Variants in ASL observed in about 807,000 individuals in gnomAD.
The protein encoded by ASL is argininosuccinate lyase.
In ASL, 51 loss-of-function variants were observed where a neutral mutation model predicts 69.1. The ratio of observed to expected loss-of-function variants is 0.74; its 90% CI spans 0.59 to 0.93. The LOEUF (loss-of-function observed/expected upper bound fraction) is 0.93. Among genes scored for constraint, ASL ranks in the 40% least tolerant of loss-of-function variants. The probability of loss-of-function intolerance (pLI) is 0.00; values close to 1 mark genes in which losing one functional copy is unlikely to be tolerated. For synonymous variants in ASL, 241 were observed against 247.6 expected, an observed-to-expected ratio of 0.97 and a Z score of 0.25; for missense variants, 540 against 623.9, an observed-to-expected ratio of 0.87 and a Z score of 1.43.
At chr7:66,076,422 C>T (rs1202070865) in intron 2 of ASL, among the ~76,000 whole-genome samples, 1 of 152,212 alleles carries the variant, frequency 6.6e-6, no homozygotes, top group Non-Finnish European at 1.5e-5. Context: ...TCCAACTCTT[C>T]CTTCCTTCTT....
chr7:66,077,286 C>T (rs902708850), intron 2 of ASL, among the ~76,000 whole-genome samples: 3 of 152,024 alleles, frequency 2.0e-5, no homozygotes, highest in African/African-American at 7.2e-5. Flanking sequence ...TGAAAATTAC[C>T]CAGGTGTGGT....
chr7:66,084,812 G>C (rs903102211), intron 6 of ASL, among the ~76,000 whole-genome samples: 1 of 152,104 alleles, frequency 6.6e-6, no homozygotes, highest in Non-Finnish European at 1.5e-5. Context: ...GTAGAGACGG[G>C]GTTTCACCAT....
In ASL at chr7:66,086,749, C is replaced by G. The variant is rs2115725413; in HGVS notation, c.530C>G (p.Ala177Gly). The G allele has an allele frequency of 1.2e-6, 2 of 1,606,092 alleles. No homozygotes were observed. Among genetic ancestry groups the G allele is most frequent in the Non-Finnish European group, 8.5e-7 (1 of 1,176,934 alleles). Residue 177 changes from alanine (A) to glycine (G), a missense_variant, in exon 8 of 17, where the codon GCC (alanine) becomes GGC (glycine). Transcript: ENST00000304874. ...CTGCCCCTGGCTTCCCACAGCCACG[C>G]CGTGGCACTGACCCGAGACTCTGAG... ...IRWSHWILSH[A>G]VALTRDSERL... is the part of the protein sequence containing the mutation.
rs1224014280 is a variant in ASL at position 66,083,181 on chromosome 7, C to A, written c.446+7C>A. On this transcript the variant is annotated splice_region_variant and intron_variant, in intron 6 of 16. Transcript: ENST00000304874. ...TGGTGGATCGGGCAGAGGCGTGAGT[C>A]CTACAGGGACACCCAGGGGGCAGAC... 8.7e-6 allele frequency: 14 copies of A among 1,611,458 alleles called. No homozygotes were observed. The highest frequency in any genetic ancestry group is 1.2e-5 in the Non-Finnish European group (14 of 1,179,574).
chr7:66,088,364 C>T (rs1039029995), intron 10 of ASL, among the ~76,000 whole-genome samples: 1 of 151,826 alleles, frequency 6.6e-6, no homozygotes, highest in African/African-American at 2.4e-5. Context: ...GCCTGTAATC[C>T]CAGCTACTCG....
intron 6 of ASL, 74 bp from the exon 7 acceptor site, chr7:66,086,511 C>T: frequency 6.6e-7 from 1 of 1,516,408 alleles, no homozygotes. Flanking sequence ...GTGACCCAGG[C>T]CTGCAGGGTT....
At chr7:66,091,754 C>T (rs992365398) in intron 14 of ASL, 22 of 528,640 alleles carry the variant, frequency 4.2e-5, no homozygotes, top group Non-Finnish European at 7.5e-5. Context: ...ACATCTGATG[C>T]ATGCTGAAGA....
Position 66,075,865 on chromosome 7 carries a change from G to A in ASL, c.-44+9G>A, listed in dbSNP as rs558890925. 334 of 574,598 alleles carry A rather than the reference G, an allele frequency of 5.8e-4. 2 individuals carry two copies. In the East Asian group the frequency reaches 7.9e-3, roughly 14 times the overall value. 35.6% of individuals were successfully genotyped at this position (574,598 alleles called of 1,614,324 possible). On this transcript the variant is annotated intron_variant, in intron 1 of 16. Coordinates refer to ENST00000304874, the MANE Select transcript of ASL (RefSeq NM_000048.4). The stretch of plus-strand genomic sequence containing the variant: ...CGTGCGGCCAGGCGGAGGTGAGTGC[G>A]CGGCGGCCGGATGGGCGGGACGGGC...
chr7:66,079,200 A>G (rs1377931893), intron 2 of ASL, among the ~76,000 whole-genome samples: 1 of 152,104 alleles, frequency 6.6e-6, no homozygotes, highest in African/African-American at 2.4e-5. Flanking sequence ...TATAGGTGTG[A>G]GCCACCACGC....
At chr7:66,087,653 G>C (rs1007094019) in intron 9 of ASL, 76 bp from the exon 10 acceptor site, 2 of 1,554,306 alleles carry the variant, frequency 1.3e-6, no homozygotes, top group African/African-American at 1.4e-5. Context: ...AGGGGAGGGG[G>C]CTGGGCAACC....
intron 10 of ASL, 121 bp from the exon 11 acceptor site, chr7:66,088,686 A>T: frequency 1.2e-6 from 1 of 824,262 alleles, no homozygotes; most frequent in Non-Finnish European, 2.0e-6. Context: ...GCACGACCCC[A>T]TCTTTGCGAA....
chr7:66,092,846 T>C lies in ASL; in HGVS notation c.1329T>C (p.Thr443=). The change falls in exon 17 of 17, where the codon ACT becomes ACC. Residue 443 remains threonine (T), a synonymous_variant. Coordinates refer to ENST00000304874, the MANE Select transcript of ASL (RefSeq NM_000048.4). ...SVEQYGALGG[T]ARSSVDWQIR... ...AGCAGTATGGTGCCCTGGGCGGCAC[T>C]GCGCGCTCCAGCGTCGACTGGCAGA... The C allele has an allele frequency of 6.2e-7, 1 of 1,613,376 alleles. No homozygotes were observed. The highest frequency in any genetic ancestry group is 8.5e-7 in the Non-Finnish European group (1 of 1,179,974).
intron 14 of ASL, 46 bp downstream of exon 14, chr7:66,089,741 T>C (rs766592690): frequency 3.9e-5 from 62 of 1,597,800 alleles, no homozygotes; most frequent in Non-Finnish European, 5.0e-5. Flanking sequence ...TCCCAGGCAC[T>C]GGGGTGGGCA....
chr7:66,086,888 A>G (rs1292959380), intron 8 of ASL, 67 bp downstream of exon 8: 1 of 1,511,736 alleles, frequency 6.6e-7, no homozygotes, highest in Non-Finnish European at 8.9e-7. Flanking sequence ...AGGGATTGAC[A>G]GAGCTGGGAA....
intron 10 of ASL, 65 bp from the exon 11 acceptor site, chr7:66,088,742 C>A (rs1314556718): frequency 2.1e-6 from 3 of 1,398,684 alleles, no homozygotes. Context: ...CCTCCTCCTG[C>A]CCCCTGTATG....
intron 5 of ASL, 39 bp from the exon 6 acceptor site, chr7:66,083,038 C>T (rs1263270163): frequency 1.2e-6 from 2 of 1,612,376 alleles, no homozygotes; most frequent in Non-Finnish European, 1.7e-6. Context: ...AGGGAAGCAA[C>T]ACATCGGCCT....
intron 15 of ASL, 140 bp downstream of exon 15, chr7:66,092,226 C>T (rs1480956194): frequency 1.2e-5 from 12 of 1,005,620 alleles, no homozygotes; most frequent in Middle Eastern, 2.7e-4. Context: ...CCGAGGTGGG[C>T]GGGTCACTTG....
intron 14 of ASL, among the ~76,000 whole-genome samples, chr7:66,090,327 G>C (rs1786807234): frequency 6.6e-6 from 1 of 152,184 alleles, no homozygotes; most frequent in African/African-American, 2.4e-5. Context: ...AGGCTGGAGT[G>C]CAGTGGTGCG....
chr7:66,080,385 CAAAAAAAAAA>C (rs138360695), intron 2 of ASL, among the ~76,000 whole-genome samples: 1 of 61,348 alleles, frequency 1.6e-5, no homozygotes, highest in Non-Finnish European at 2.8e-5. Context: ...GACTCCATCT[CAAAAAAAAAA>C]AAAAAAAAAA....
Sources: gnomAD v4.1 joint callset for allele counts (sites outside exome capture counted in the v4.1 genomes callset) on GRCh38, gnomAD v4.1.1 for gene constraint, MANE v1.5 for transcripts, NCBI Gene and HGNC (gene_info 2026-07-23, HGNC 2026-07-21) for gene names.